MTA3: variants seen among roughly 807,000 people sequenced by gnomAD.
MTA3 encodes the protein metastasis-associated protein MTA3.
In MTA3, 34 loss-of-function variants were observed where a neutral mutation model predicts 83.5. That is an observed-to-expected ratio of 0.41 (90% CI 0.31 to 0.54). The LOEUF (loss-of-function observed/expected upper bound fraction) is 0.54, where lower values mean the gene tolerates loss of function less well. Ranked by LOEUF, MTA3 falls within the 20% of genes least tolerant of loss-of-function variation. MTA3 has a pLI of 0.33. For synonymous variants in MTA3, 303 were observed against 252.7 expected (o/e 1.20, Z -1.89); for missense variants, 761 against 726.4 (o/e 1.05, Z -0.55).
At chr2:42,726,830 G>T (rs1667855395) in intron 16 of MTA3, among the ~76,000 whole-genome samples, 1 of 152,156 alleles carries the variant, frequency 6.6e-6, no homozygotes, top group Admixed American at 6.5e-5. Flanking sequence ...CTCTATTAAG[G>T]AAACTCCAGG....
chr2:42,597,022 A>C (rs1413815031), intron 3 of MTA3, among the ~76,000 whole-genome samples: 1 of 151,748 alleles, frequency 6.6e-6, no homozygotes, highest in African/African-American at 2.4e-5. Context: ...CTCCTCCCTC[A>C]GCCTCCTGAG....
chr2:42,528,657 C>T (rs1414377248), intron 2 of MTA3, among the ~76,000 whole-genome samples: 2 of 152,184 alleles, frequency 1.3e-5, no homozygotes, highest in African/African-American at 4.8e-5. Context: ...GATGTGTGAT[C>T]TTCGGAAAAT....
intron 4 of MTA3, among the ~76,000 whole-genome samples, chr2:42,624,877 C>T (rs1685924132): frequency 6.6e-6 from 1 of 152,148 alleles, no homozygotes; most frequent in Non-Finnish European, 1.5e-5. Flanking sequence ...GAGTTTTATA[C>T]CACATCGGTT....
rs940786603 is a variant in MTA3, at chr2:42,755,450, A to G, written c.*2051A>G. Reference sequence around the variant, plus strand: ...GGCCCCTCCTATCTACCCAGTTGACATTTGGCTTTGGGAAAAGCGCAGCTT... The same window carrying G: ...GGCCCCTCCTATCTACCCAGTTGACGTTTGGCTTTGGGAAAAGCGCAGCTT... On this transcript the variant is annotated 3_prime_UTR_variant, in exon 17 of 17. Transcript: ENST00000405094. 5.3e-5 allele frequency: 52 copies of G among 985,446 alleles called. No homozygotes were observed. Among genetic ancestry groups the G allele is most frequent in the East Asian group, 3.4e-4 (3 of 8,808 alleles). 61.0% of individuals were successfully genotyped at this position (985,446 alleles called of 1,614,324 possible). A position where few individuals can be genotyped will look rare whatever the true frequency, so the allele number is the denominator to read the frequency against.
chr2:42,755,164 A>C lies in MTA3; in HGVS notation c.*1765A>C, dbSNP rs1670157324. On this transcript the variant is annotated 3_prime_UTR_variant, in exon 17 of 17. Transcript: ENST00000405094. ...CACGTGGATGTTTCTTCCCTAAAGAAAAAGACACAGGAAAGCTGTCTGTCT... is the reference window on the plus strand; with the variant it reads ...CACGTGGATGTTTCTTCCCTAAAGACAAAGACACAGGAAAGCTGTCTGTCT... 1.0e-6 allele frequency: 1 copy of C among 985,380 alleles called. No individual in the cohort carries two copies. The highest frequency in any genetic ancestry group is 6.1e-5 in the Admixed American group (1 of 16,264). The allele number at this position is 985,380 out of a possible 1,614,324, so 61.0% of individuals were successfully genotyped here. A position where few individuals can be genotyped will look rare whatever the true frequency, so the allele number is the denominator to read the frequency against.
rs551996986 is a variant in MTA3, at chr2:42,611,903, G to A, written c.317+2319G>A. ...TTGCCCAGATTGGTCATGAGCTCCA[G>A]CAATCTTCTTGCCTCAGTCTCCTGA... On this transcript the variant is annotated intron_variant, in intron 4 of 16. Coordinates refer to ENST00000405094, the MANE Select transcript of MTA3 (RefSeq NM_001330442.2). 3.3e-5 allele frequency among the ~76,000 whole-genome samples: 5 copies of A among 152,302 alleles called. No homozygotes were observed. In the South Asian group the frequency reaches 1.0e-3, roughly 32 times the overall value.
At chr2:42,570,906 G>C (rs1678402263) in intron 2 of MTA3, among the ~76,000 whole-genome samples, 1 of 151,578 alleles carries the variant, frequency 6.6e-6, no homozygotes, top group South Asian at 2.1e-4. Context: ...CCAGCTACTC[G>C]AGAGGCTGAG....
chr2:42,714,800 A>G (rs1404771103), intron 14 of MTA3, among the ~76,000 whole-genome samples: 1 of 152,182 alleles, frequency 6.6e-6, no homozygotes, highest in Admixed American at 6.5e-5. Flanking sequence ...CATAAGGAGC[A>G]GGCAATCTAG....
intron 8 of MTA3, among the ~76,000 whole-genome samples, chr2:42,668,345 C>A (rs1690484689): frequency 6.6e-6 from 1 of 152,150 alleles, no homozygotes; most frequent in African/African-American, 2.4e-5. Context: ...AAACATTGGG[C>A]CCTTCTGGCT....
intron 12 of MTA3, among the ~76,000 whole-genome samples, chr2:42,705,910 C>G (rs1666040157): frequency 6.6e-6 from 1 of 151,996 alleles, no homozygotes; most frequent in Admixed American, 6.6e-5. Flanking sequence ...AGAGATAGAA[C>G]TTGATGTTTT....
intron 8 of MTA3, among the ~76,000 whole-genome samples, chr2:42,663,307 G>T (rs900391516): frequency 6.6e-6 from 1 of 152,180 alleles, no homozygotes; most frequent in African/African-American, 2.4e-5. Context: ...CACAGCTGCA[G>T]CAGCTCACTG....
chr2:42,731,775 C>G (rs1469594709), intron 16 of MTA3, among the ~76,000 whole-genome samples: 4 of 152,276 alleles, frequency 2.6e-5, no homozygotes, highest in Non-Finnish European at 5.9e-5. Context: ...AGCATTAACC[C>G]AAAAGTCCAC....
intron 8 of MTA3, among the ~76,000 whole-genome samples, chr2:42,675,254 G>A (rs1254632926): frequency 2.6e-5 from 4 of 151,868 alleles, no homozygotes; most frequent in African/African-American, 9.7e-5. Context: ...TCCTACCTTA[G>A]CCTCCTGAGC....
At chr2:42,678,775 A>G (rs781532022) in intron 8 of MTA3, among the ~76,000 whole-genome samples, 8 of 152,068 alleles carry the variant, frequency 5.3e-5, no homozygotes, top group Non-Finnish European at 1.2e-4. Context: ...TTAATGCATC[A>G]CTGTGTGTGT....
chr2:42,600,525 T>A (rs1156567897), intron 3 of MTA3, among the ~76,000 whole-genome samples: 1 of 151,896 alleles, frequency 6.6e-6, no homozygotes, highest in Non-Finnish European at 1.5e-5. Context: ...TGCATCCCCT[T>A]TCCCATTCAG....
At chr2:42,604,868 C>T (rs1683052000) in intron 3 of MTA3, among the ~76,000 whole-genome samples, 1 of 149,056 alleles carries the variant, frequency 6.7e-6, no homozygotes, top group African/African-American at 2.5e-5. Flanking sequence ...TGAGTGGACA[C>T]AGCACATGTT....
intron 2 of MTA3, among the ~76,000 whole-genome samples, chr2:42,515,842 T>C (rs868446644): frequency 2.7e-4 from 13 of 48,050 alleles, no homozygotes; most frequent in African/African-American, 1.2e-3. Context: ...ATTTTATGTA[T>C]TTTTTTTTTT....
chr2:42,518,968 AACACACACACACACACACACACAC>A (rs60877713), intron 2 of MTA3, among the ~76,000 whole-genome samples: 5,792 of 114,678 alleles, frequency 0.051, 174 homozygotes, highest in South Asian at 0.11. Flanking sequence ...CCTTTCTCAA[AACACACACACACACACACACACAC>A]ACACACACAC....
chr2:42,506,040 C>T (rs1184012212), intron 2 of MTA3, among the ~76,000 whole-genome samples: 1 of 152,052 alleles, frequency 6.6e-6, no homozygotes, highest in Non-Finnish European at 1.5e-5. Context: ...GCTAGGATTA[C>T]AGGCATGAGC....
Sources: allele counts gnomAD v4.1 joint callset (sites outside exome capture counted in the v4.1 genomes callset), GRCh38; gene constraint gnomAD v4.1.1; transcripts MANE v1.5; gene names NCBI Gene and HGNC (gene_info 2026-07-23, HGNC 2026-07-21).